The following CCDC154 variants were observed in gnomAD, a reference collection of about 807,000 sequenced individuals.
CCDC154 encodes the protein coiled-coil domain-containing protein 154.
A neutral mutation model predicts 87.5 loss-of-function variants in CCDC154; 91 were observed. That is an observed-to-expected ratio of 1.04 (90% CI 0.88 to 1.24). CCDC154 has a LOEUF of 1.24. CCDC154 is among the 50% of genes most tolerant of loss of function. The pLI is 0.00. For synonymous variants in CCDC154, 418 were observed against 400.4 expected, an observed-to-expected ratio of 1.04 and a Z score of -0.52; for missense variants, 903 against 879.2, an observed-to-expected ratio of 1.03 and a Z score of -0.34.
In CCDC154 at chr16:1,438,805, C is replaced by A; in HGVS notation, c.906+10G>T. 1 of 1,540,732 alleles carries A rather than the reference C, an allele frequency of 6.5e-7. No homozygotes were observed. Among genetic ancestry groups the A allele is most frequent in the Middle Eastern group, 2.0e-4 (1 of 4,964 alleles). On this transcript the variant is annotated intron_variant, in intron 8 of 16. Coordinates refer to ENST00000389176, the MANE Select transcript of CCDC154 (RefSeq NM_001143980.3). ...CCGGCCCCACCTGCCCGCCGCCCGC[C>A]CGGCCCCACCTCATGCTGCCCCTGC...
At position 1,443,824 on chromosome 16, in the gene CCDC154, C is replaced by T. The variant is rs763909829; in HGVS notation, c.196G>A (p.Ala66Thr). 3.8e-6 allele frequency: 5 copies of T among 1,304,458 alleles called. No individual in the cohort carries two copies. Among genetic ancestry groups the T allele is most frequent in the East Asian group, 5.5e-5 (1 of 18,064 alleles). The allele number at this position is 1,304,458 out of a possible 1,614,324, so 80.8% of individuals were successfully genotyped here. A position where few individuals can be genotyped will look rare whatever the true frequency, so the allele number is the denominator to read the frequency against. ...STASVPEQDT[A>T]KHWNQLEQWV... ...TGCTCCAGCTGGTTCCAGTGCTTGG[C>T]GGTGTCCTGCTCGGGGACAGAGGCC... The change falls in exon 2 of 17, where the codon GCC (alanine) becomes ACC (threonine). Residue 66 changes from alanine (A) to threonine (T), a missense_variant. Transcript: ENST00000389176.
In CCDC154 at chr16:1,434,785, G is replaced by T; in HGVS notation, c.1760C>A (p.Thr587Lys). 4 of 1,541,754 alleles carry T rather than the reference G, an allele frequency of 2.6e-6. No homozygotes were observed. In the South Asian group the frequency reaches 4.8e-5, roughly 18 times the overall value. The change falls in exon 16 of 17, where the codon ACG (threonine) becomes AAG (lysine). Residue 587 changes from threonine to lysine, a missense_variant. Coordinates refer to ENST00000389176, the MANE Select transcript of CCDC154 (RefSeq NM_001143980.3). Reference protein sequence around the residue: ...LRLWSEEGPRTPLGSWKALPS... With the variant: ...LRLWSEEGPRKPLGSWKALPS... ...GAGCGCCTTCCAGCTGCCCAGCGGC[G>T]TCCGCGGGCCCTCCTCACTCCACAG...
intron 6 of CCDC154, among the ~76,000 whole-genome samples, chr16:1,441,277 C>G (rs956410156): frequency 6.6e-6 from 1 of 152,224 alleles, no homozygotes; most frequent in Non-Finnish European, 1.5e-5. Flanking sequence ...CTGCTCCACA[C>G]GGCCACTCAG....
At chr16:1,437,760 C>T in intron 11 of CCDC154, 57 bp downstream of exon 11, 1 of 1,482,788 alleles carries the variant, frequency 6.7e-7, no homozygotes, top group Admixed American at 2.1e-5. Context: ...GGGCTGAGAG[C>T]TGGAGGGGTG....
intron 6 of CCDC154, among the ~76,000 whole-genome samples, 199 bp downstream of exon 6, chr16:1,442,207 T>C (rs116598846): frequency 0.028 from 4,212 of 152,352 alleles, 212 homozygotes; most frequent in African/African-American, 0.096. Context: ...TGAGCCACCG[T>C]GCCCAAACAA....
At chr16:1,439,514 C>G (rs1381465127) in intron 6 of CCDC154, among the ~76,000 whole-genome samples, 1 of 151,946 alleles carries the variant, frequency 6.6e-6, no homozygotes, top group Non-Finnish European at 1.5e-5. Flanking sequence ...GGCCTTGTCT[C>G]CACACCAACA....
chr16:1,436,896 G>A (rs968265242), intron 11 of CCDC154, 85 bp from the exon 12 acceptor site: 1 of 1,510,576 alleles, frequency 6.6e-7, no homozygotes, highest in African/African-American at 1.4e-5. Context: ...GCTCTGGGGA[G>A]CAGGCGGCCC....
chr16:1,434,637 AGGAGGCCGC>A (rs1215988431), intron 16 of CCDC154, 22 bp downstream of exon 16: 1 of 1,443,694 alleles, frequency 6.9e-7, no homozygotes, highest in Admixed American at 2.1e-5. Context: ...CCAAAGGCCC[AGGAGGCCGC>A]GCCGGGATCC....
At chr16:1,437,588 G>A (rs1171231050) in intron 11 of CCDC154, 1 of 519,258 alleles carries the variant, frequency 1.9e-6, no homozygotes, top group Non-Finnish European at 3.3e-6. Context: ...CTCCAGCTCG[G>A]GCCTCACGGG....
intron 6 of CCDC154, among the ~76,000 whole-genome samples, chr16:1,441,855 T>G (rs574036471): frequency 6.6e-6 from 1 of 152,142 alleles, no homozygotes; most frequent in South Asian, 2.1e-4. Context: ...TCCTCCCGCC[T>G]CGGCCTCCCA....
intron 3 of CCDC154, 93 bp from the exon 4 acceptor site, chr16:1,443,394 TG>T: frequency 6.8e-7 from 1 of 1,466,236 alleles, no homozygotes; most frequent in African/African-American, 1.4e-5. Flanking sequence ...CACTGGCCCC[TG>T]GGAGCTCTGG....
chr16:1,437,595 C>A, intron 11 of CCDC154: 2 of 536,542 alleles, frequency 3.7e-6, no homozygotes, highest in Admixed American at 3.6e-5. Flanking sequence ...TCGGGCCTCA[C>A]GGGCTGCAGA....
At position 1,437,903 on chromosome 16, in the gene CCDC154, G is replaced by A. The variant is rs1436910850; in HGVS notation, c.1204C>T (p.Gln402Ter). The stretch of plus-strand genomic sequence containing the variant: ...AGATGGCCACTCAGCTCCTTTAACT[G>A]CCCGGCCAGCTGCGCCACGGATGCC... The part of the protein sequence containing the change: ...LEASVAQLAG[Q>*]LKELSGHLPA... Residue 402 changes from glutamine to a stop codon, truncating the protein, a stop_gained, in exon 11 of 17, where the codon CAG becomes TAG. Transcript: ENST00000389176. LOFTEE classifies it high-confidence loss of function. 32 of 1,546,532 alleles carry A rather than the reference G, an allele frequency of 2.1e-5. No individual in the cohort carries two copies. In the East Asian group the frequency reaches 3.7e-4, roughly 18 times the overall value.
In CCDC154 at chr16:1,443,992, A is replaced by G; in HGVS notation, c.28T>C (p.Ser10Pro). Residue 10 changes from serine (S) to proline (P), a missense_variant, in exon 2 of 17, where the codon TCA (serine) becomes CCA (proline). Transcript: ENST00000389176. MSELADSGP[S>P]GASAPSQLRA... is the part of the protein sequence containing the mutation. ...AGCTGGGAAGGGGCCGATGCCCCTG[A>G]GGGTCCACTGTCAGCCAACTCTACA... 1.5e-6 allele frequency: 2 copies of G among 1,301,080 alleles called. 1 individual carries two copies. 80.6% of individuals were successfully genotyped at this position (1,301,080 alleles called of 1,614,324 possible).
intron 12 of CCDC154, 75 bp from the exon 13 acceptor site, chr16:1,436,596 G>T: frequency 6.5e-7 from 1 of 1,545,830 alleles, no homozygotes; most frequent in Non-Finnish European, 8.7e-7. Flanking sequence ...ACCCACACAG[G>T]GAGAGGGAGG....
At chr16:1,441,435 T>C (rs1278154515) in intron 6 of CCDC154, among the ~76,000 whole-genome samples, 1 of 152,146 alleles carries the variant, frequency 6.6e-6, no homozygotes, top group Non-Finnish European at 1.5e-5. Flanking sequence ...CCGGTCTCTA[T>C]TTGTGGAGCT....
Position 1,438,955 on chromosome 16 carries a change from C to T in CCDC154, c.778-12G>A. The T allele has an allele frequency of 4.5e-6, 7 of 1,548,794 alleles. No homozygotes were observed. In the South Asian group the frequency reaches 8.3e-5, roughly 18 times the overall value. ...GAGGCCTTCATTCTCTGTGGGGAGA[C>T]CCCACTGTCAGCTGCAGGTCTGCGT... On this transcript the variant is annotated splice_polypyrimidine_tract_variant and intron_variant, in intron 7 of 16. Transcript: ENST00000389176.
chr16:1,443,243 TA>T lies in CCDC154; in HGVS notation c.455+17del. On this transcript the variant is annotated intron_variant, in intron 4 of 16. Transcript: ENST00000389176. ...CCTCCCCGCCCTGGGCCTGTGCCCCTAGGTGTGTGGGGGGTACCTTTTGTCC... is the reference window on the plus strand; with the variant it reads ...CCTCCCCGCCCTGGGCCTGTGCCCCTGGTGTGTGGGGGGTACCTTTTGTCC... 1.9e-6 allele frequency: 3 copies of T among 1,548,016 alleles called. No individual in the cohort carries two copies. The South Asian group carries it at 3.6e-5, about 18-fold the overall frequency.
intron 11 of CCDC154, among the ~76,000 whole-genome samples, 161 bp from the exon 12 acceptor site, chr16:1,436,972 G>A (rs1327170736): frequency 3.3e-5 from 5 of 152,302 alleles, no homozygotes; most frequent in Middle Eastern, 3.4e-3. Context: ...TGGCCTGGCC[G>A]GGCACGCTCT....
Sources: gnomAD v4.1 joint callset for allele counts (sites outside exome capture counted in the v4.1 genomes callset) on GRCh38, gnomAD v4.1.1 for gene constraint, MANE v1.5 for transcripts, NCBI Gene and HGNC (gene_info 2026-07-23, HGNC 2026-07-21) for gene names.